Variants in TMCC2 observed in about 807,000 individuals in gnomAD.
TMCC2 encodes the protein transmembrane and coiled-coil domain family 2, also known as transmembrane and coiled-coil domains protein 2.
A neutral mutation model predicts 49.4 loss-of-function variants in TMCC2; 16 were observed. The ratio of observed to expected loss-of-function variants is 0.32; its 90% CI spans 0.22 to 0.49. The LOEUF (loss-of-function observed/expected upper bound fraction) is 0.49, where lower values mean the gene tolerates loss of function less well. TMCC2 is among the 20% of genes least tolerant of loss of function. TMCC2 has a pLI of 0.99. For missense variants in TMCC2, 762 were observed against 989.8 expected, an observed-to-expected ratio of 0.77 and a Z score of 3.09; for synonymous variants, 397 against 434.1, an observed-to-expected ratio of 0.91 and a Z score of 1.06.
chr1:205,261,630 G>A (rs986368377), intron 2 of TMCC2, among the ~76,000 whole-genome samples: 5 of 151,310 alleles, frequency 3.3e-5, no homozygotes, highest in East Asian at 3.9e-4. Context: ...AGTGATCCAC[G>A]ATCATGCCAT....
rs375418687 is a variant in TMCC2, at chr1:205,251,131, G to A, written c.747+9087G>A. ...CTGTATATCCCACAGAGCAGAGGGC[G>A]CTGAAATAGAAGTAAAACTGAATGA... On this transcript the variant is annotated intron_variant, in intron 2 of 4. Transcript: ENST00000358024. Among the ~76,000 whole-genome samples, 5 of 152,176 alleles carry A rather than the reference G, an allele frequency of 3.3e-5. No individual in the cohort carries two copies. In the South Asian group the frequency reaches 6.2e-4, roughly 19 times the overall value.
rs753041901 is a variant in TMCC2 at position 205,241,811 on chromosome 1, G to C, written c.514G>C (p.Gly172Arg). Residue 172 changes from glycine (G) to arginine (R), a missense_variant, in exon 2 of 5, where the codon GGG becomes CGG. Around this residue, in one of 2 missense-constraint regions of TMCC2, gnomAD observed 322 missense variants for 353.1 expected, o/e 0.91. Transcript: ENST00000358024. The surrounding 1 kb of genome is among the most constrained non-coding windows in gnomAD (Gnocchi z 7.3). ...GGGCGCCAGCCTGCACAGCAGCAGT[G>C]GGGGCGGCAGCAGCGGGAGCAGCAG... ...KRGASLHSSS[G>R]GGSSGSSSRR... 1 of 1,604,978 alleles carries C rather than the reference G, an allele frequency of 6.2e-7. No individual in the cohort carries two copies. The highest frequency in any genetic ancestry group is 1.1e-5 in the South Asian group (1 of 90,270).
chr1:205,271,674 A>G, intron 4 of TMCC2, 139 bp from the exon 5 acceptor site: 1 of 1,111,724 alleles, frequency 9.0e-7, no homozygotes, highest in Non-Finnish European at 1.3e-6. Flanking sequence ...CCCCAGTTGC[A>G]GCTGGTCAAC....
chr1:205,233,009 A>C (rs1480654438), intron 1 of TMCC2, among the ~76,000 whole-genome samples: 5 of 151,260 alleles, frequency 3.3e-5, no homozygotes, highest in South Asian at 4.2e-4. Context: ...AAAAAAAAAA[A>C]ACCACAACGT....
At chr1:205,257,366 G>T (rs1558652729) in intron 2 of TMCC2, 2 of 1,232,222 alleles carry the variant, frequency 1.6e-6, no homozygotes, top group Non-Finnish European at 2.0e-6. Context: ...TGCCCACACA[G>T]GTGAGGCGTC....
At chr1:205,229,593 T>G in intron 1 of TMCC2, 1 of 951,840 alleles carries the variant, frequency 1.1e-6, no homozygotes, top group Non-Finnish European at 1.2e-6. Context: ...GTGGATTTCC[T>G]GCCGTTAGGT....
chr1:205,229,379 G>A (rs768642830), intron 1 of TMCC2, among the ~76,000 whole-genome samples: 1 of 151,840 alleles, frequency 6.6e-6, no homozygotes, highest in Non-Finnish European at 1.5e-5. Context: ...AGTAGAGACG[G>A]GGTTTCGCCA....
chr1:205,254,586 C>T (rs1465751794), intron 2 of TMCC2, among the ~76,000 whole-genome samples: 1 of 152,118 alleles, frequency 6.6e-6, no homozygotes, highest in Non-Finnish European at 1.5e-5. Flanking sequence ...TCCTAGTGAA[C>T]TATTGGTTCC....
intron 2 of TMCC2, chr1:205,246,473 G>GAT: frequency 3.5e-6 from 5 of 1,427,382 alleles, no homozygotes; most frequent in Non-Finnish European, 4.6e-6. Context: ...TCAGCATATA[G>GAT]ATAGTATTTA....
chr1:205,246,388 C>A, intron 2 of TMCC2: 1 of 874,384 alleles, frequency 1.1e-6, no homozygotes, highest in Non-Finnish European at 1.5e-6. Context: ...CGTGGAAATG[C>A]CAAATAAGCA....
At chr1:205,250,633 T>C (rs1018801670) in intron 2 of TMCC2, among the ~76,000 whole-genome samples, 20 of 152,112 alleles carry the variant, frequency 1.3e-4, no homozygotes, top group African/African-American at 4.8e-4. Flanking sequence ...GGGGCAAAAT[T>C]AGATAACTTC....
At chr1:205,249,543 CT>C (rs1268232385) in intron 2 of TMCC2, among the ~76,000 whole-genome samples, 3 of 152,192 alleles carry the variant, frequency 2.0e-5, no homozygotes, top group African/African-American at 7.2e-5. Flanking sequence ...TATAACTGAA[CT>C]TGTAGGCCAG....
chr1:205,230,271 C>T, intron 1 of TMCC2: 8 of 731,692 alleles, frequency 1.1e-5, no homozygotes, highest in South Asian at 6.1e-5. Flanking sequence ...GTTTTTTAAA[C>T]TTTGCAGTAA....
At chr1:205,249,593 T>C (rs1294630957) in intron 2 of TMCC2, among the ~76,000 whole-genome samples, 1 of 152,224 alleles carries the variant, frequency 6.6e-6, no homozygotes, top group Non-Finnish European at 1.5e-5. Flanking sequence ...CGGGCCACTC[T>C]GCCTGTTCAC....
At position 205,271,286 on chromosome 1, in the gene TMCC2, G is replaced by A. The variant is rs747936211; in HGVS notation, c.1818+31G>A. 1.2e-5 allele frequency: 20 copies of A among 1,613,752 alleles called. No individual in the cohort carries two copies. In the South Asian group the frequency reaches 2.2e-4, roughly 18 times the overall value. ...GCCAGGGCAACCTTGGGAGGCCCCA[G>A]ATGTGCTGGTAGAGCTGGCAGCAGC... On this transcript the variant is annotated intron_variant, in intron 4 of 4. Transcript: ENST00000358024.
intron 1 of TMCC2, among the ~76,000 whole-genome samples, chr1:205,233,620 A>T (rs1159762637): frequency 6.6e-6 from 1 of 152,104 alleles, no homozygotes; most frequent in African/African-American, 2.4e-5. Context: ...AGCAGATACC[A>T]CCTTCAGCAG....
intron 1 of TMCC2, among the ~76,000 whole-genome samples, chr1:205,236,305 A>G (rs1660046508): frequency 6.6e-6 from 1 of 152,204 alleles, no homozygotes; most frequent in Non-Finnish European, 1.5e-5. Context: ...CTAAGATAAT[A>G]GAGTGAGAAG....
intron 1 of TMCC2, among the ~76,000 whole-genome samples, chr1:205,230,543 T>G (rs181258390): frequency 6.6e-6 from 1 of 152,292 alleles, no homozygotes; most frequent in Non-Finnish European, 1.5e-5. Context: ...AGGCTAGCCT[T>G]CTGCTGCAGA....
chr1:205,242,022 A>G lies in TMCC2; in HGVS notation c.725A>G (p.Glu242Gly). ...AGCAACGTGTACCTCCTGGCTGAGG[A>G]GGCCGAAGGCATCGGGGACAAGGTG... ...DGSNVYLLAE[E>G]AEGIGDKVDK... The change falls in exon 2 of 5, where the codon GAG becomes GGG. Residue 242 changes from glutamate to glycine, a missense_variant. Glu to Gly is a moderately conservative substitution (Grantham distance 98). Coordinates refer to ENST00000358024, the MANE Select transcript of TMCC2 (RefSeq NM_014858.4). 6.3e-7 allele frequency: 1 copy of G among 1,595,780 alleles called. No individual in the cohort carries two copies. Among genetic ancestry groups the G allele is most frequent in the South Asian group, 1.1e-5 (1 of 89,134 alleles).
Sources: gnomAD v4.1 joint callset for allele counts (sites outside exome capture counted in the v4.1 genomes callset) on GRCh38, gnomAD v4.1.1 for gene constraint, gnomAD v4.1.1 regional missense constraint, Gnocchi (gnomAD v3.1) non-coding constraint, MANE v1.5 for transcripts, NCBI Gene and HGNC (gene_info 2026-07-23, HGNC 2026-07-21) for gene names.